NTNG1: variants seen among roughly 807,000 people sequenced by gnomAD.
The protein encoded by NTNG1 is netrin G1.
NTNG1 carries 16 observed loss-of-function variants against 54.0 expected under a neutral mutation model. The ratio of observed to expected loss-of-function variants is 0.30; its 90% CI spans 0.20 to 0.45. The LOEUF (loss-of-function observed/expected upper bound fraction) is 0.45. Ranked by LOEUF, NTNG1 falls within the 20% of genes least tolerant of loss-of-function variation. The pLI is 1.00. For synonymous variants in NTNG1, 255 were observed against 263.1 expected (o/e 0.97, Z 0.30); for missense variants, 530 against 678.7 (o/e 0.78, Z 2.43).
At chr1:107,201,485 G>T (rs1658750739) in intron 2 of NTNG1, among the ~76,000 whole-genome samples, 1 of 151,788 alleles carries the variant, frequency 6.6e-6, no homozygotes, top group African/African-American at 2.4e-5. Context: ...TGTTTGGGGA[G>T]TGGGTGGTCA....
Position 107,480,598 on chromosome 1 carries a change from C to T in NTNG1, c.1391-13C>T, listed in dbSNP as rs1221768688. The T allele has an allele frequency of 1.4e-6, 2 of 1,430,798 alleles. No individual in the cohort carries two copies. Among genetic ancestry groups the T allele is most frequent in the Non-Finnish European group, 1.9e-6 (2 of 1,039,430 alleles). 88.6% of individuals were successfully genotyped at this position (1,430,798 alleles called of 1,614,324 possible). On this transcript the variant is annotated splice_polypyrimidine_tract_variant and intron_variant, in intron 7 of 7. Transcript: ENST00000370068. ...CGCGCCCACCCACCCCTACCTTCCCCCTCATTCTGCAGCGAATGTCTGCGA... is the reference window on the plus strand; with the variant it reads ...CGCGCCCACCCACCCCTACCTTCCCTCTCATTCTGCAGCGAATGTCTGCGA...
chr1:107,289,939 C>T (rs555030750), intron 2 of NTNG1, among the ~76,000 whole-genome samples: 3 of 151,968 alleles, frequency 2.0e-5, no homozygotes, highest in Non-Finnish European at 4.4e-5. Context: ...TCATATTTTC[C>T]CACTAAGAAC....
intron 2 of NTNG1, among the ~76,000 whole-genome samples, chr1:107,157,598 A>G (rs947662698): frequency 1.3e-5 from 2 of 152,174 alleles, no homozygotes; most frequent in African/African-American, 4.8e-5. Flanking sequence ...TCCTAAGGTT[A>G]TAATGTTTTA....
intron 4 of NTNG1, among the ~76,000 whole-genome samples, chr1:107,396,879 G>A (rs1426662573): frequency 6.6e-6 from 1 of 152,184 alleles, no homozygotes; most frequent in East Asian, 1.9e-4. Flanking sequence ...GAGGCAGCAG[G>A]GGAAGGCTGC....
At chr1:107,284,117 A>C (rs553343260) in intron 2 of NTNG1, among the ~76,000 whole-genome samples, 1 of 152,242 alleles carries the variant, frequency 6.6e-6, no homozygotes, top group Admixed American at 6.5e-5. Context: ...CCTTGAGGGT[A>C]GGTGTTACCC....
chr1:107,350,719 T>A (rs1399500487), intron 3 of NTNG1, among the ~76,000 whole-genome samples: 3 of 152,220 alleles, frequency 2.0e-5, no homozygotes, highest in Admixed American at 2.0e-4. Context: ...GAGAACATTA[T>A]GCTAAGAAAT....
chr1:107,310,923 G>C (rs1482289453), intron 2 of NTNG1, among the ~76,000 whole-genome samples: 1 of 151,882 alleles, frequency 6.6e-6, no homozygotes, highest in East Asian at 1.9e-4. Context: ...GGCCTGAGAA[G>C]CAGCTTGTGT....
At chr1:107,195,559 A>T (rs190846012) in intron 2 of NTNG1, among the ~76,000 whole-genome samples, 14 of 151,942 alleles carry the variant, frequency 9.2e-5, no homozygotes, top group Admixed American at 7.9e-4. Context: ...GGCCCTACAT[A>T]ATTTGATTCC....
intron 2 of NTNG1, among the ~76,000 whole-genome samples, chr1:107,216,903 T>C (rs951358116): frequency 2.6e-5 from 4 of 152,132 alleles, no homozygotes; most frequent in Non-Finnish European, 5.9e-5. Flanking sequence ...GGTCTTGATC[T>C]CTTGACCTCA....
At chr1:107,318,550 G>T (rs778485632) in intron 2 of NTNG1, among the ~76,000 whole-genome samples, 12 of 151,292 alleles carry the variant, frequency 7.9e-5, no homozygotes, top group Non-Finnish European at 1.8e-4. Context: ...AAAAGACAAA[G>T]AAATTTGTGC....
intron 7 of NTNG1, among the ~76,000 whole-genome samples, chr1:107,450,483 A>G (rs1311429898): frequency 6.6e-6 from 1 of 152,148 alleles, no homozygotes; most frequent in Non-Finnish European, 1.5e-5. Context: ...TCAGAGTTTC[A>G]TTGAAAATGG....
intron 2 of NTNG1, among the ~76,000 whole-genome samples, chr1:107,166,969 G>A (rs1246877322): frequency 6.6e-6 from 1 of 152,094 alleles, no homozygotes; most frequent in Non-Finnish European, 1.5e-5. Flanking sequence ...CAATGACACA[G>A]AGTTCAGATA....
chr1:107,425,251 A>G (rs915088785), intron 5 of NTNG1, among the ~76,000 whole-genome samples: 7 of 152,082 alleles, frequency 4.6e-5, no homozygotes, highest in Admixed American at 4.6e-4. Context: ...TACATGCATA[A>G]TGGCCGGGGA....
At chr1:107,238,244 G>A (rs1232602101) in intron 2 of NTNG1, among the ~76,000 whole-genome samples, 4 of 152,098 alleles carry the variant, frequency 2.6e-5, no homozygotes, top group Admixed American at 2.0e-4. Context: ...ACTTGCATGG[G>A]GTCTATAGCC....
rs369549766 is a variant in NTNG1, at chr1:107,480,727, G to A, written c.1507G>A (p.Glu503Lys). The A allele has an allele frequency of 6.2e-7, 1 of 1,610,420 alleles. No individual in the cohort carries two copies. The highest frequency in any genetic ancestry group is 8.5e-7 in the Non-Finnish European group (1 of 1,179,414). The change falls in exon 8 of 8, where the codon GAG becomes AAG. Residue 503 changes from glutamate (E) to lysine (K), a missense_variant. Transcript: ENST00000370068. ...CATCCTCTGCGAGAAGCTGCGGTGC[G>A]AGGAGGCTGGCAGCTGCGGCTCCGA... The part of the protein sequence containing the change: ...TGILCEKLRC[E>K]EAGSCGSDSG...
At chr1:107,359,951 GT>G (rs962298023) in intron 3 of NTNG1, among the ~76,000 whole-genome samples, 2 of 151,962 alleles carry the variant, frequency 1.3e-5, no homozygotes, top group African/African-American at 4.8e-5. Flanking sequence ...GCCCAATCTG[GT>G]CCCCAGATAT....
chr1:107,231,536 T>C (rs1285800224), intron 2 of NTNG1, among the ~76,000 whole-genome samples: 2 of 152,182 alleles, frequency 1.3e-5, no homozygotes, highest in African/African-American at 4.8e-5. Flanking sequence ...AGATGGCTAG[T>C]CATTTGCTCC....
At chr1:107,261,091 C>T (rs907461201) in intron 2 of NTNG1, 3 of 152,134 alleles carry the variant, frequency 2.0e-5, no homozygotes, top group Non-Finnish European at 4.4e-5. Context: ...TGATATTACT[C>T]GTTCTTTAAT....
Position 107,148,434 on chromosome 1 carries a change from A to G in NTNG1, c.-160A>G. ...TTAACTCTTCATATTTGGTTTTGGG[A>G]TCTGCTTTGAGGTCCCATCTTCATT... is the stretch of plus-strand genomic sequence containing the variant. On this transcript the variant is annotated 5_prime_UTR_variant, in exon 2 of 8. Coordinates refer to ENST00000370068, the MANE Select transcript of NTNG1 (RefSeq NM_001113226.3). 1.5e-6 allele frequency: 1 copy of G among 646,562 alleles called. No individual in the cohort carries two copies. The highest frequency in any genetic ancestry group is 2.7e-6 in the Non-Finnish European group (1 of 373,932). 40.1% of individuals were successfully genotyped at this position (646,562 alleles called of 1,614,324 possible). A position where few individuals can be genotyped will look rare whatever the true frequency, so the allele number is the denominator to read the frequency against.
Sources: allele counts gnomAD v4.1 joint callset (sites outside exome capture counted in the v4.1 genomes callset), GRCh38; gene constraint gnomAD v4.1.1; transcripts MANE v1.5; gene names NCBI Gene and HGNC (gene_info 2026-07-23, HGNC 2026-07-21).